PACRGL: variants seen among roughly 807,000 people sequenced by gnomAD.
PACRGL encodes PACRG-like protein.
Under a neutral mutation model 34.5 loss-of-function variants are expected in PACRGL, and 38 were observed. The ratio of observed to expected loss-of-function variants is 1.10; its 90% CI spans 0.85 to 1.44. PACRGL has a LOEUF of 1.44. PACRGL is among the 40% of genes most tolerant of loss of function. The pLI, the probability that PACRGL is intolerant of heterozygous loss-of-function variation, is 0.00. For synonymous variants in PACRGL, 128 were observed against 100.1 expected, an observed-to-expected ratio of 1.28 and a Z score of -1.66; for missense variants, 305 against 281.4, an observed-to-expected ratio of 1.08 and a Z score of -0.60.
downstream of PACRGL, among the ~76,000 whole-genome samples, chr4:20,733,095 T>A (rs1748736568): frequency 6.6e-6 from 1 of 152,208 alleles, no homozygotes; most frequent in Non-Finnish European, 1.5e-5. Flanking sequence ...AGACTTTAAG[T>A]AGACTATGTT....
chr4:20,717,575 A>G (rs1001890687), intron 7 of PACRGL, among the ~76,000 whole-genome samples: 4 of 152,172 alleles, frequency 2.6e-5, no homozygotes, highest in African/African-American at 9.7e-5. Flanking sequence ...TCCCAGCACC[A>G]TTTATTAAAT....
chr4:20,755,064 A>C (rs976172721), downstream of PACRGL, among the ~76,000 whole-genome samples: 1 of 152,136 alleles, frequency 6.6e-6, no homozygotes, highest in Admixed American at 6.5e-5. Context: ...ACTCATTATA[A>C]TCCTGGCATC....
At chr4:20,755,384 T>C (rs1754313359), downstream of PACRGL, among the ~76,000 whole-genome samples, 1 of 152,246 alleles carries the variant, frequency 6.6e-6, no homozygotes, top group African/African-American at 2.4e-5. Flanking sequence ...TGTACACTTT[T>C]CAAAGAGCCT....
In PACRGL at chr4:20,729,243, A is replaced by G. The variant is rs539792491; in HGVS notation, c.*1902A>G. On this transcript the variant is annotated 3_prime_UTR_variant, in exon 9 of 9. Coordinates refer to ENST00000503585, the MANE Select transcript of PACRGL (RefSeq NM_001258345.3). ...AGCATTACTATATACTGGAGGATAG[A>G]TATCCTGACCCTTTGCATATGTCTG... The G allele has an allele frequency of 6.6e-6, 1 of 151,710 alleles. No homozygotes were observed. The highest frequency in any genetic ancestry group is 2.2e-4 in the South Asian group (1 of 4,508). The allele number at this position is 151,710 out of a possible 1,614,324, so 9.4% of individuals were successfully genotyped here. A position where few individuals can be genotyped will look rare whatever the true frequency, so the allele number is the denominator to read the frequency against.
At position 20,730,618 on chromosome 4, in the gene PACRGL, A is replaced by AATC. The variant is rs1419043277; in HGVS notation, c.*3281_*3283dup. 6.6e-6 allele frequency among the ~76,000 whole-genome samples: 1 copy of AATC among 152,184 alleles called. No individual in the cohort carries two copies. Among genetic ancestry groups the AATC allele is most frequent in the African/African-American group, 2.4e-5 (1 of 41,440 alleles). On this transcript the variant is annotated 3_prime_UTR_variant, in exon 9 of 9. Coordinates refer to ENST00000503585, the MANE Select transcript of PACRGL (RefSeq NM_001258345.3). ...GATTAAGAGGTAACATGTTTGCAGT[A>AATC]ATCATCTCTCTTTCTGTCTGCTAGT...
At position 20,745,060 on chromosome 4, in the gene PACRGL, G is replaced by A. The variant is rs182486185; in HGVS notation, c.*57-7505G>A. ...CTCAGACTCTTGCTAGGAATGGTAG[G>A]ACAGAGATGTGCTTCTTTCCTTGCT... On this transcript the variant is annotated intron_variant, in intron 8 of 8. Transcript: ENST00000507634. 2.4e-4 allele frequency among the ~76,000 whole-genome samples: 37 copies of A among 152,310 alleles called. No individual in the cohort carries two copies. In the East Asian group the frequency reaches 5.4e-3, roughly 22 times the overall value.
chr4:20,729,970 TAATATGCTTCAGTGTC>T lies in PACRGL; in HGVS notation c.*2632_*2647del. ...TATATTAAAACAAAGCTTGTTTGCATAATATGCTTCAGTGTCAAGCTGAGCAATCTATGCTAAAAGT... is the reference window on the plus strand; with the variant it reads ...TATATTAAAACAAAGCTTGTTTGCATAAGCTGAGCAATCTATGCTAAAAGT... On this transcript the variant is annotated 3_prime_UTR_variant, in exon 9 of 9. Transcript: ENST00000503585. 1 of 1,254,316 alleles carries T rather than the reference TAATATGCTTCAGTGTC, an allele frequency of 8.0e-7. No homozygotes were observed. The highest frequency in any genetic ancestry group is 1.5e-5 in the African/African-American group (1 of 65,770). 77.7% of individuals were successfully genotyped at this position (1,254,316 alleles called of 1,614,324 possible). A position where few individuals can be genotyped will look rare whatever the true frequency, so the allele number is the denominator to read the frequency against.
At position 20,712,857 on chromosome 4, in the gene PACRGL, A is replaced by G. The variant is rs953914445; in HGVS notation, c.436A>G (p.Lys146Glu). 6.2e-7 allele frequency: 1 copy of G among 1,605,996 alleles called. No homozygotes were observed. The highest frequency in any genetic ancestry group is 1.1e-5 in the South Asian group (1 of 89,564). The part of the protein sequence containing the change: ...KEGFRELLLV[K>E]GAPEKAIPLL... ...GGGTTTTAGAGAATTACTTTTGGTC[A>G]AAGGTGCTCCTGAAAAAGCTATTCC... Residue 146 changes from lysine (K) to glutamate (E), a missense_variant, in exon 6 of 9, where the codon AAA (lysine) becomes GAA (glutamate). Lys to Glu is a moderately conservative substitution (Grantham distance 56). Coordinates refer to ENST00000503585, the MANE Select transcript of PACRGL (RefSeq NM_001258345.3).
chr4:20,743,124 A>G (rs1381781981), intron 8 of PACRGL, among the ~76,000 whole-genome samples: 1 of 151,914 alleles, frequency 6.6e-6, no homozygotes, highest in Non-Finnish European at 1.5e-5. Flanking sequence ...AAGAGGACAC[A>G]AACAAATGGA....
Position 20,707,503 on chromosome 4 carries a change from C to T in PACRGL, c.208-300C>T, listed in dbSNP as rs1247632145. 4.6e-5 allele frequency among the ~76,000 whole-genome samples: 7 copies of T among 152,332 alleles called. No homozygotes were observed. In the East Asian group the frequency reaches 1.2e-3, roughly 25 times the overall value. ...AAATATACTTTTTCTGTACTTAACA[C>T]CCCTTCTCCATAGAGTCCTCACCTT... is the stretch of plus-strand genomic sequence containing the variant. On this transcript the variant is annotated intron_variant, in intron 3 of 8. Coordinates refer to ENST00000503585, the MANE Select transcript of PACRGL (RefSeq NM_001258345.3).
In PACRGL at chr4:20,712,806, C is replaced by T. The variant is rs749534674; in HGVS notation, c.385C>T (p.His129Tyr). Residue 129 changes from histidine to tyrosine, a missense_variant, in exon 6 of 9, where the codon CAT becomes TAT. Physicochemically the swap from His to Tyr is moderately conservative, Grantham distance 83. Coordinates refer to ENST00000503585, the MANE Select transcript of PACRGL (RefSeq NM_001258345.3). ...TLAEGLRETK[H>Y]PYTFVSKEGF... Reference sequence around the variant, plus strand: ...TTGTCAGGGTCTGAGAGAGACTAAGCATCCATACACTTTTGTGTCAAAGGA... The same window carrying T: ...TTGTCAGGGTCTGAGAGAGACTAAGTATCCATACACTTTTGTGTCAAAGGA... The T allele has an allele frequency of 9.5e-6, 15 of 1,577,108 alleles. No individual in the cohort carries two copies. Among genetic ancestry groups the T allele is most frequent in the Non-Finnish European group, 1.2e-5 (14 of 1,158,784 alleles).
In PACRGL at chr4:20,704,732, C is replaced by A. The variant is rs745396857; in HGVS notation, c.125C>A (p.Ser42Ter). The change falls in exon 3 of 9, where the codon TCA becomes TAA. Residue 42 changes from serine (S) to a stop codon, truncating the protein, a stop_gained. Coordinates refer to ENST00000503585, the MANE Select transcript of PACRGL (RefSeq NM_001258345.3). LOFTEE classifies it high-confidence loss of function. ...AATGCAGTTCAGGGAAGCAAATCCT[C>A]ATTGTCAACCAGTTCTCCAGAGTCT... ...HRNAVQGSKS[S>*]LSTSSPESAR... The A allele has an allele frequency of 1.2e-6, 2 of 1,614,022 alleles. No homozygotes were observed. Among genetic ancestry groups the A allele is most frequent in the Non-Finnish European group, 1.7e-6 (2 of 1,179,880 alleles).
Position 20,729,385 on chromosome 4 carries a change from A to G in PACRGL, c.*2044A>G, listed in dbSNP as rs748021650. On this transcript the variant is annotated 3_prime_UTR_variant, in exon 9 of 9. Transcript: ENST00000503585. Reference sequence around the variant, plus strand: ...GATTGAACAAATCCAAAATTATTATATAGGCCTTGGCTGTAACATATTATG... The same window carrying G: ...GATTGAACAAATCCAAAATTATTATGTAGGCCTTGGCTGTAACATATTATG... 4.6e-5 allele frequency: 7 copies of G among 152,330 alleles called. No individual in the cohort carries two copies. Among genetic ancestry groups the G allele is most frequent in the Admixed American group, 1.3e-4 (2 of 15,224 alleles). The allele number at this position is 152,330 out of a possible 1,614,324, so 9.4% of individuals were successfully genotyped here.
downstream of PACRGL, chr4:20,734,491 A>T: frequency 2.1e-6 from 1 of 476,140 alleles, no homozygotes; most frequent in Non-Finnish European, 3.7e-6. Flanking sequence ...TTTTAATTGT[A>T]CATCTTTCTT....
intron 8 of PACRGL, among the ~76,000 whole-genome samples, chr4:20,745,944 G>T (rs1412002698): frequency 6.6e-6 from 1 of 152,132 alleles, no homozygotes; most frequent in Non-Finnish European, 1.5e-5. Flanking sequence ...GTGTAAATTA[G>T]TTCAACCATT....
chr4:20,707,056 T>C (rs1210427494), intron 3 of PACRGL, among the ~76,000 whole-genome samples: 5 of 152,220 alleles, frequency 3.3e-5, no homozygotes. Flanking sequence ...CAGGTCAATT[T>C]ATATTTTGTA....
At chr4:20,758,011 A>G in the PACRGL span, among the ~76,000 whole-genome samples, 1 of 152,160 alleles carries the variant, frequency 6.6e-6, no homozygotes. Flanking sequence ...TCCATCTGCT[A>G]CACTAGGTAT....
rs1747630037 is a variant in PACRGL, at chr4:20,730,150, G to A, written c.*2809G>A. The A allele has an allele frequency of 1.9e-6, 3 of 1,594,574 alleles. No homozygotes were observed. The highest frequency in any genetic ancestry group is 1.3e-5 in the African/African-American group (1 of 74,166). On this transcript the variant is annotated 3_prime_UTR_variant, in exon 9 of 9. Coordinates refer to ENST00000503585, the MANE Select transcript of PACRGL (RefSeq NM_001258345.3). ...TCATCCTGTAAGGGAGAAACACAGAGCGATTAAATTCAGCATATCTGCAAG... is the reference window on the plus strand; with the variant it reads ...TCATCCTGTAAGGGAGAAACACAGAACGATTAAATTCAGCATATCTGCAAG...
the PACRGL span, among the ~76,000 whole-genome samples, chr4:20,761,913 C>T: frequency 3.3e-5 from 5 of 152,138 alleles, no homozygotes; most frequent in African/African-American, 1.2e-4. Flanking sequence ...TCTCTACAAA[C>T]ACATACTGTA....
Sources: gnomAD v4.1 joint callset for allele counts (sites outside exome capture counted in the v4.1 genomes callset) on GRCh38, gnomAD v4.1.1 for gene constraint, MANE v1.5 for transcripts, NCBI Gene and HGNC (gene_info 2026-07-23, HGNC 2026-07-21) for gene names.